The following PLCH1 variants were observed in gnomAD, a reference collection of about 807,000 sequenced individuals.
PLCH1 encodes phospholipase C eta 1, also known as 1-phosphatidylinositol 4,5-bisphosphate phosphodiesterase eta-1.
In PLCH1, 60 loss-of-function variants were observed where a neutral mutation model predicts 126.7. The ratio of observed to expected loss-of-function variants is 0.47; its 90% CI spans 0.38 to 0.59. The LOEUF (loss-of-function observed/expected upper bound fraction) is 0.59, where lower values mean the gene tolerates loss of function less well. Among genes scored for constraint, PLCH1 ranks in the 20% least tolerant of loss-of-function variants. PLCH1 has a pLI of 0.00. For missense variants in PLCH1, 1,723 were observed against 2,040.0 expected (o/e 0.84, Z 2.99); for synonymous variants, 719 against 734.9 (o/e 0.98, Z 0.35).
chr3:155,594,131 G>A lies in PLCH1; in HGVS notation c.280C>T (p.His94Tyr). The A allele has an allele frequency of 1.2e-6, 2 of 1,613,920 alleles. No individual in the cohort carries two copies. Among genetic ancestry groups the A allele is most frequent in the Non-Finnish European group, 1.7e-6 (2 of 1,179,896 alleles). ...VTEGRQSEIFHRQAEGNFDPS... is the reference protein window; with the variant it reads ...VTEGRQSEIFYRQAEGNFDPS... ...TCGAAGTTCCCCTCAGCTTGTCTGT[G>A]GAATATTTCAGACTGCCGGCCCTCA... is the stretch of plus-strand genomic sequence containing the variant. The change falls in exon 4 of 23, where the codon CAC (histidine) becomes TAC (tyrosine). Residue 94 changes from histidine to tyrosine, a missense_variant. Around this residue, in one of 2 missense-constraint regions of PLCH1, gnomAD observed 776 missense variants for 1,062.9 expected, o/e 0.73. Coordinates refer to ENST00000460012, the MANE Select transcript of PLCH1 (RefSeq NM_014996.4).
At chr3:155,574,855 G>A (rs1211937822) in intron 6 of PLCH1, among the ~76,000 whole-genome samples, 1 of 152,166 alleles carries the variant, frequency 6.6e-6, no homozygotes, top group East Asian at 1.9e-4. Flanking sequence ...AATCAGCCAG[G>A]CATGGTGGCT....
At chr3:155,697,864 G>A (rs1745950969) in intron 2 of PLCH1, among the ~76,000 whole-genome samples, 2 of 152,204 alleles carry the variant, frequency 1.3e-5, no homozygotes, top group Non-Finnish European at 2.9e-5. Flanking sequence ...AGCAGAGGGA[G>A]TCTGGATCAC....
intron 2 of PLCH1, among the ~76,000 whole-genome samples, chr3:155,634,369 G>A (rs1052223069): frequency 6.6e-5 from 10 of 152,208 alleles, no homozygotes; most frequent in South Asian, 6.2e-4. Flanking sequence ...TAAGCATTGC[G>A]CAAGGTAGTT....
intron 1 of PLCH1, among the ~76,000 whole-genome samples, chr3:155,708,835 A>G (rs1252077912): frequency 6.6e-6 from 1 of 152,202 alleles, no homozygotes; most frequent in Non-Finnish European, 1.5e-5. Flanking sequence ...TACATCTTAT[A>G]AATAGAACCT....
chr3:155,601,548 A>T (rs1400439000), intron 2 of PLCH1, among the ~76,000 whole-genome samples: 1 of 152,142 alleles, frequency 6.6e-6, no homozygotes, highest in Non-Finnish European at 1.5e-5. Flanking sequence ...ATACACATAT[A>T]TGATTACTAT....
chr3:155,560,232 A>G (rs1272334927), intron 8 of PLCH1, among the ~76,000 whole-genome samples: 2 of 152,208 alleles, frequency 1.3e-5, no homozygotes, highest in African/African-American at 2.4e-5. Context: ...ACTATTTACA[A>G]TGATAGGCAA....
intron 6 of PLCH1, among the ~76,000 whole-genome samples, chr3:155,568,923 CA>C (rs1207342921): frequency 6.6e-6 from 1 of 152,104 alleles, no homozygotes; most frequent in Non-Finnish European, 1.5e-5. Flanking sequence ...TGCTTGCGTT[CA>C]AATCACCTAG....
At chr3:155,690,994 C>A (rs912224821) in intron 2 of PLCH1, among the ~76,000 whole-genome samples, 3 of 152,194 alleles carry the variant, frequency 2.0e-5, no homozygotes, top group Admixed American at 1.3e-4. Flanking sequence ...CACACTCAGC[C>A]TAAGGGCAAC....
chr3:155,529,443 T>A (rs1030275400), intron 10 of PLCH1, among the ~76,000 whole-genome samples: 2 of 152,146 alleles, frequency 1.3e-5, no homozygotes, highest in African/African-American at 2.4e-5. Context: ...AGAATTATTA[T>A]GAGTGTGGTT....
At chr3:155,724,599 T>C (rs1748176946) in intron 1 of PLCH1, among the ~76,000 whole-genome samples, 1 of 152,164 alleles carries the variant, frequency 6.6e-6, no homozygotes, top group Non-Finnish European at 1.5e-5. Flanking sequence ...TAGAATATCT[T>C]TTTTCACCCC....
chr3:155,542,824 G>A (rs959811940), intron 10 of PLCH1, among the ~76,000 whole-genome samples: 1 of 152,054 alleles, frequency 6.6e-6, no homozygotes, highest in Non-Finnish European at 1.5e-5. Context: ...TGCAGCTGAG[G>A]GTCCTGTCTG....
At chr3:155,666,921 T>C (rs867645307) in intron 2 of PLCH1, among the ~76,000 whole-genome samples, 1 of 144,546 alleles carries the variant, frequency 6.9e-6, no homozygotes, top group South Asian at 2.2e-4. Context: ...TGTGTGTGTG[T>C]GTGTGTGTGC....
chr3:155,613,874 A>G (rs976448562), intron 2 of PLCH1, among the ~76,000 whole-genome samples: 18 of 151,982 alleles, frequency 1.2e-4, no homozygotes, highest in Non-Finnish European at 5.9e-5. Flanking sequence ...ATTGTTCGCC[A>G]ACGATATTTT....
At chr3:155,726,778 C>T (rs1186357148) in intron 1 of PLCH1, among the ~76,000 whole-genome samples, 3 of 151,592 alleles carry the variant, frequency 2.0e-5, no homozygotes, top group Non-Finnish European at 4.4e-5. Context: ...TCACTGCAAC[C>T]TCTGCCTCCC....
rs1481040070 is a variant in PLCH1, at chr3:155,490,777, A to G, written c.2392+7T>C. The G allele has an allele frequency of 4.8e-6, 7 of 1,469,210 alleles. No homozygotes were observed. The highest frequency in any genetic ancestry group is 6.7e-6 in the Non-Finnish European group (7 of 1,049,116). The allele number at this position is 1,469,210 out of a possible 1,614,324, so 91.0% of individuals were successfully genotyped here. A position where few individuals can be genotyped will look rare whatever the true frequency, so the allele number is the denominator to read the frequency against. Reference sequence around the variant, plus strand: ...CATTAAAAAGTGAACACAGATTACCATCTTACCATTGTCATCTACCACACG... The same window carrying G: ...CATTAAAAAGTGAACACAGATTACCGTCTTACCATTGTCATCTACCACACG... On this transcript the variant is annotated splice_region_variant and intron_variant, in intron 19 of 22. Coordinates refer to ENST00000460012, the MANE Select transcript of PLCH1 (RefSeq NM_014996.4).
chr3:155,642,591 G>C (rs1269736247), intron 2 of PLCH1, among the ~76,000 whole-genome samples: 1 of 152,210 alleles, frequency 6.6e-6, no homozygotes, highest in Non-Finnish European at 1.5e-5. Flanking sequence ...AATCTGTGGA[G>C]GGCCCAAATA....
At chr3:155,635,397 C>T (rs1372979940) in intron 2 of PLCH1, among the ~76,000 whole-genome samples, 1 of 152,202 alleles carries the variant, frequency 6.6e-6, no homozygotes, top group Non-Finnish European at 1.5e-5. Context: ...TGTGCAACCC[C>T]TCAGCCACAG....
intron 4 of PLCH1, among the ~76,000 whole-genome samples, chr3:155,587,513 A>T (rs574604452): frequency 1.4e-3 from 208 of 152,316 alleles, no homozygotes; most frequent in African/African-American, 4.9e-3. Flanking sequence ...GTCTGTCTCT[A>T]CACCACGCTT....
chr3:155,733,714 T>A (rs1010396505), intron 1 of PLCH1, among the ~76,000 whole-genome samples: 4 of 151,718 alleles, frequency 2.6e-5, no homozygotes, highest in Non-Finnish European at 4.4e-5. Context: ...AATAGACAAA[T>A]GAGATTGCTT....
Sources: allele counts gnomAD v4.1 joint callset (sites outside exome capture counted in the v4.1 genomes callset), GRCh38; gene constraint gnomAD v4.1.1; regional missense constraint gnomAD v4.1.1; transcripts MANE v1.5; gene names NCBI Gene and HGNC (gene_info 2026-07-23, HGNC 2026-07-21).